MARCHF3: variants seen among roughly 807,000 people sequenced by gnomAD.
The protein encoded by MARCHF3 is membrane associated ring-CH-type finger 3.
Under a neutral mutation model 24.2 loss-of-function variants are expected in MARCHF3, and 13 were observed. The observed-to-expected ratio is 0.54, with a 90% CI of 0.35 to 0.85. The LOEUF (loss-of-function observed/expected upper bound fraction) is 0.85. Among genes scored for constraint, MARCHF3 ranks in the 40% least tolerant of loss-of-function variants. MARCHF3 has a pLI of 0.01. For missense variants in MARCHF3, 276 were observed against 325.0 expected, an observed-to-expected ratio of 0.85 and a Z score of 1.16; for synonymous variants, 144 against 137.3, an observed-to-expected ratio of 1.05 and a Z score of -0.34.
intron 3 of MARCHF3, among the ~76,000 whole-genome samples, chr5:126,896,558 A>G (rs1374648317): frequency 6.6e-6 from 1 of 152,070 alleles, no homozygotes; most frequent in Non-Finnish European, 1.5e-5. Context: ...CAAGCCAACC[A>G]TTAAAGAACC....
chr5:126,890,331 C>T (rs1753641356), intron 3 of MARCHF3, among the ~76,000 whole-genome samples: 2 of 151,144 alleles, frequency 1.3e-5, no homozygotes, highest in South Asian at 4.2e-4. Context: ...TACATGTGCA[C>T]ATTGTGCAGG....
chr5:126,952,078 C>T (rs557811741), intron 1 of MARCHF3, among the ~76,000 whole-genome samples: 35 of 152,274 alleles, frequency 2.3e-4, no homozygotes, highest in African/African-American at 8.2e-4. Context: ...AACTCCTGAC[C>T]ACAGGTGATC....
At chr5:126,949,826 C>T (rs1750155690) in intron 1 of MARCHF3, among the ~76,000 whole-genome samples, 1 of 152,154 alleles carries the variant, frequency 6.6e-6, no homozygotes, top group African/African-American at 2.4e-5. Flanking sequence ...CCTGGGAACT[C>T]AGGGAAAAAC....
intron 1 of MARCHF3, among the ~76,000 whole-genome samples, chr5:127,009,132 T>C (rs1476213114): frequency 6.6e-6 from 1 of 152,176 alleles, no homozygotes; most frequent in Non-Finnish European, 1.5e-5. Flanking sequence ...GCTTCTCTCC[T>C]GTTCTTATAA....
At chr5:127,008,516 G>C (rs1347099229) in intron 1 of MARCHF3, among the ~76,000 whole-genome samples, 2 of 152,194 alleles carry the variant, frequency 1.3e-5, no homozygotes, top group Non-Finnish European at 2.9e-5. Context: ...CACACAAATT[G>C]CATTTGGAAG....
chr5:126,918,230 A>C lies in MARCHF3; in HGVS notation c.-56-3T>G. ...CCACATTCATACAGGATTTCCATCT[A>C]AGAGAGATCAGAAAACAGTTTACTT... On this transcript the variant is annotated splice_region_variant and splice_polypyrimidine_tract_variant and intron_variant, in intron 1 of 4. Transcript: ENST00000308660. 6.6e-7 allele frequency: 1 copy of C among 1,519,028 alleles called. No individual in the cohort carries two copies. 94.1% of individuals were successfully genotyped at this position (1,519,028 alleles called of 1,614,324 possible). A position where few individuals can be genotyped will look rare whatever the true frequency, so the allele number is the denominator to read the frequency against.
intron 1 of MARCHF3, among the ~76,000 whole-genome samples, chr5:126,985,565 G>A (rs1751536529): frequency 1.3e-5 from 2 of 151,770 alleles, no homozygotes. Context: ...CCCCTCTTGG[G>A]TTCAAGCAAT....
At chr5:126,932,738 G>A (rs985565977) in intron 1 of MARCHF3, among the ~76,000 whole-genome samples, 2 of 152,040 alleles carry the variant, frequency 1.3e-5, no homozygotes, top group African/African-American at 4.8e-5. Flanking sequence ...TAAAATACGG[G>A]GCTCTGGGGA....
intron 1 of MARCHF3, among the ~76,000 whole-genome samples, chr5:127,019,652 T>C (rs534155752): frequency 2.6e-5 from 4 of 152,164 alleles, no homozygotes; most frequent in Non-Finnish European, 5.9e-5. Context: ...ATTGGAATGG[T>C]CCCTGAGGAC....
chr5:126,999,103 A>C (rs1752040273), intron 1 of MARCHF3, among the ~76,000 whole-genome samples: 1 of 152,236 alleles, frequency 6.6e-6, no homozygotes, highest in African/African-American at 2.4e-5. Flanking sequence ...TACCTAAGTC[A>C]GCAAAACAAC....
At chr5:126,957,707 CTT>C (rs989814779) in intron 1 of MARCHF3, among the ~76,000 whole-genome samples, 1 of 152,044 alleles carries the variant, frequency 6.6e-6, no homozygotes, top group African/African-American at 2.4e-5. Context: ...TTATTATAGA[CTT>C]ATAATTCATT....
At chr5:126,914,854 C>A in intron 3 of MARCHF3, 76 bp downstream of exon 3, 1 of 1,460,218 alleles carries the variant, frequency 6.8e-7, no homozygotes, top group Non-Finnish European at 9.5e-7. Flanking sequence ...CTGTACAGGG[C>A]TTGTGATCCA....
intron 1 of MARCHF3, among the ~76,000 whole-genome samples, chr5:126,921,717 G>A (rs1046900881): frequency 5.3e-5 from 8 of 152,132 alleles, no homozygotes; most frequent in South Asian, 2.1e-4. Context: ...GGGAGGGAGC[G>A]GTGTATGTGC....
At chr5:126,948,884 A>G (rs997921662) in intron 1 of MARCHF3, among the ~76,000 whole-genome samples, 2 of 152,142 alleles carry the variant, frequency 1.3e-5, no homozygotes, top group Non-Finnish European at 1.5e-5. Context: ...GGCTCCTTGG[A>G]TAGGTAGCAT....
intron 1 of MARCHF3, among the ~76,000 whole-genome samples, chr5:126,950,059 A>G (rs1750170971): frequency 6.6e-6 from 1 of 152,138 alleles, no homozygotes; most frequent in Non-Finnish European, 1.5e-5. Context: ...AGGACCTCCA[A>G]TATTGATCCT....
At chr5:127,023,243 T>G (rs536510743) in intron 1 of MARCHF3, among the ~76,000 whole-genome samples, 162 of 152,244 alleles carry the variant, frequency 1.1e-3, no homozygotes, top group African/African-American at 3.7e-3. Flanking sequence ...CCCTATTTGG[T>G]CCTGAGGAAT....
chr5:127,010,223 T>C (rs1752432834), intron 1 of MARCHF3, among the ~76,000 whole-genome samples: 1 of 152,152 alleles, frequency 6.6e-6, no homozygotes, highest in Non-Finnish European at 1.5e-5. Context: ...ACCAATTTCA[T>C]AAGGTGGTAA....
chr5:127,011,090 ATAC>A (rs1752456923), intron 1 of MARCHF3, among the ~76,000 whole-genome samples: 1 of 152,228 alleles, frequency 6.6e-6, no homozygotes, highest in Non-Finnish European at 1.5e-5. Context: ...TGGAGCCTTC[ATAC>A]TACTAACTTC....
chr5:126,954,158 G>T (rs1431578134), intron 1 of MARCHF3, among the ~76,000 whole-genome samples: 1 of 149,928 alleles, frequency 6.7e-6, no homozygotes, highest in East Asian at 2.0e-4. Flanking sequence ...TCACCCTCCC[G>T]AGTAGCTGGG....
Sources: allele counts gnomAD v4.1 joint callset (sites outside exome capture counted in the v4.1 genomes callset), GRCh38; gene constraint gnomAD v4.1.1; transcripts MANE v1.5; gene names NCBI Gene and HGNC (gene_info 2026-07-23, HGNC 2026-07-21).